GPR153: variants seen among roughly 807,000 people sequenced by gnomAD.
GPR153 encodes the protein G protein-coupled receptor 153.
In GPR153, 27 loss-of-function variants were observed where a neutral mutation model predicts 34.1. The observed-to-expected ratio is 0.79, with a 90% confidence interval of 0.58 to 1.09. The LOEUF (loss-of-function observed/expected upper bound fraction) is 1.09. GPR153 is among the 50% of genes least tolerant of loss of function. GPR153 has a pLI of 0.00. For synonymous variants in GPR153, 408 were observed against 405.4 expected, an observed-to-expected ratio of 1.01 and a Z score of -0.08; for missense variants, 848 against 860.2, an observed-to-expected ratio of 0.99 and a Z score of 0.18.
Position 6,251,381 on chromosome 1 carries a change from C to T in GPR153, c.936G>A (p.Glu312=). 6.2e-7 allele frequency: 1 copy of T among 1,613,294 alleles called. No individual in the cohort carries two copies. The highest frequency in any genetic ancestry group is 8.5e-7 in the Non-Finnish European group (1 of 1,179,702). ...CGTTGGCCATGAGGGCCATGCACTTCTCCCGGACAGCTTTGAGGTCAGCCC... is the reference window on the plus strand; with the variant it reads ...CGTTGGCCATGAGGGCCATGCACTTTTCCCGGACAGCTTTGAGGTCAGCCC... ...RYRADLKAVR[E]KCMALMANDE... Residue 312 remains glutamate (E), a synonymous_variant, in exon 4 of 6, where the codon GAG becomes GAA. Transcript: ENST00000377893. This position sits in a 1 kb window ranked among gnomAD's most constrained non-coding sequence, Gnocchi z 4.9.
intron 3 of GPR153, 115 bp downstream of exon 3, chr1:6,253,603 G>T: frequency 1.0e-6 from 1 of 960,242 alleles, no homozygotes; most frequent in Non-Finnish European, 1.5e-6. Flanking sequence ...TGGGGACGAT[G>T]ATCAAGCCCA....
intron 1 of GPR153, among the ~76,000 whole-genome samples, chr1:6,257,336 T>C (rs958761741): frequency 1.4e-4 from 21 of 152,182 alleles, no homozygotes; most frequent in African/African-American, 4.6e-4. Context: ...AAGTGACCTG[T>C]TGGGGAACGG....
chr1:6,252,478 C>G lies in GPR153; in HGVS notation c.787-948G>C, dbSNP rs554374270. 5.3e-5 allele frequency among the ~76,000 whole-genome samples: 8 copies of G among 152,320 alleles called. 1 individual carries two copies. The highest frequency in any genetic ancestry group is 1.9e-4 in the African/African-American group (8 of 41,566). Reference sequence around the variant, plus strand: ...TCTGCTGTTTCATGAAGCCCCTGCCCTCCATCTGCACAGGGACCGGGCTGC... The same window carrying G: ...TCTGCTGTTTCATGAAGCCCCTGCCGTCCATCTGCACAGGGACCGGGCTGC... On this transcript the variant is annotated intron_variant, in intron 3 of 5. Coordinates refer to ENST00000377893, the MANE Select transcript of GPR153 (RefSeq NM_207370.4).
chr1:6,254,588 G>A lies in GPR153; in HGVS notation c.318C>T (p.Tyr106=). 6.3e-7 allele frequency: 1 copy of A among 1,599,012 alleles called. No homozygotes were observed. Residue 106 remains tyrosine, a synonymous_variant, in exon 2 of 6, where the codon TAC becomes TAT. Transcript: ENST00000377893. ...GCCAGCAGACCATCCACATGCGGTGGTAGGAGAGGGAGGTGACAGAGAAAC... is the reference window on the plus strand; with the variant it reads ...GCCAGCAGACCATCCACATGCGGTGATAGGAGAGGGAGGTGACAGAGAAAC... ...ATCFSVTSLS[Y]HRMWMVCWPV... is the part of the protein sequence containing the mutation.
At chr1:6,260,226 C>T (rs548831949) in intron 1 of GPR153, among the ~76,000 whole-genome samples, 55 of 152,166 alleles carry the variant, frequency 3.6e-4, no homozygotes, top group African/African-American at 1.3e-3. Context: ...TCCGCCCCCA[C>T]GCCGGTCTCC....
chr1:6,255,553 T>C (rs917093283), intron 1 of GPR153, among the ~76,000 whole-genome samples: 4 of 149,240 alleles, frequency 2.7e-5, no homozygotes, highest in Non-Finnish European at 5.9e-5. Flanking sequence ...TAGCTCACTG[T>C]GGCATGGAAC....
chr1:6,250,943 T>C (rs557310498), intron 4 of GPR153, among the ~76,000 whole-genome samples: 1 of 152,296 alleles, frequency 6.6e-6, no homozygotes, highest in South Asian at 2.1e-4. Flanking sequence ...GAGCACGGGC[T>C]GGGCTGAGGG....
intron 1 of GPR153, among the ~76,000 whole-genome samples, chr1:6,260,474 C>T (rs1638651832): frequency 6.6e-6 from 1 of 151,480 alleles, no homozygotes; most frequent in South Asian, 2.1e-4. Context: ...AGGGCGCGTC[C>T]GAGCGACAGG....
In GPR153 at chr1:6,251,769, T is replaced by G. The variant is rs1370495052; in HGVS notation, c.787-239A>C. Among the ~76,000 whole-genome samples, 1 of 152,136 alleles carries G rather than the reference T, an allele frequency of 6.6e-6. No homozygotes were observed. The highest frequency in any genetic ancestry group is 1.5e-5 in the Non-Finnish European group (1 of 68,008). On this transcript the variant is annotated intron_variant, in intron 3 of 5. Transcript: ENST00000377893. The surrounding 1 kb of genome is among the most constrained non-coding windows in gnomAD (Gnocchi z 4.9). ...GCTCTGTCTTCCTCCTGGCTGCCCA[T>G]GGAGAGAAGTGGGGCATGGATTACC...
In GPR153 at chr1:6,253,813, C is replaced by T. The variant is rs749841451; in HGVS notation, c.691G>A (p.Asp231Asn). Residue 231 changes from aspartate to asparagine, a missense_variant, in exon 3 of 6, where the codon GAT becomes AAT. Physicochemically the swap from Asp to Asn is conservative, Grantham distance 23. Transcript: ENST00000377893. ...DAQGKRRSSI[D>N]GSEPAKTSLQ... is the part of the protein sequence containing the mutation. Reference sequence around the variant, plus strand: ...GAGGTTTTGGCGGGCTCCGAGCCATCGATGGAGGAGCGCCGCTTGCCCTGC... The same window carrying T: ...GAGGTTTTGGCGGGCTCCGAGCCATTGATGGAGGAGCGCCGCTTGCCCTGC... 6.3e-6 allele frequency: 10 copies of T among 1,585,968 alleles called. No homozygotes were observed. The highest frequency in any genetic ancestry group is 7.7e-6 in the Non-Finnish European group (9 of 1,163,154).
rs1418238792 is a variant in GPR153 at position 6,254,822 on chromosome 1, G to T, written c.84C>A (p.Gly28=). ...TCTGCTTGGCGCCAACGCTGAGGAT[G>T]CCCCAGGCATTGGCCAGCAGGGAGA... is the stretch of plus-strand genomic sequence containing the variant. ...GGLSLLANAW[G]ILSVGAKQKK... The change falls in exon 2 of 6, where the codon GGC becomes GGA. Residue 28 remains glycine, a synonymous_variant. Transcript: ENST00000377893. 1.2e-6 allele frequency: 2 copies of T among 1,612,446 alleles called. No individual in the cohort carries two copies. The highest frequency in any genetic ancestry group is 1.7e-6 in the Non-Finnish European group (2 of 1,179,596).
At position 6,251,682 on chromosome 1, in the gene GPR153, T is replaced by G; in HGVS notation, c.787-152A>C. ...CCTTGGGGAGAAAAGAGCTGGAGCGTGGCAGTGGGAGGCCCCGCCTTCCGG... is the reference window on the plus strand; with the variant it reads ...CCTTGGGGAGAAAAGAGCTGGAGCGGGGCAGTGGGAGGCCCCGCCTTCCGG... On this transcript the variant is annotated intron_variant, in intron 3 of 5. Transcript: ENST00000377893. The surrounding 1 kb of genome is among the most constrained non-coding windows in gnomAD (Gnocchi z 4.9). 2.2e-6 allele frequency: 2 copies of G among 915,248 alleles called. No homozygotes were observed. Among genetic ancestry groups the G allele is most frequent in the Non-Finnish European group, 3.2e-6 (2 of 631,464 alleles). 56.7% of individuals were successfully genotyped at this position (915,248 alleles called of 1,614,324 possible). A position where few individuals can be genotyped will look rare whatever the true frequency, so the allele number is the denominator to read the frequency against.
At position 6,254,919 on chromosome 1, in the gene GPR153, G is replaced by C; in HGVS notation, c.-14C>G. On this transcript the variant is annotated 5_prime_UTR_variant, in exon 2 of 6. Coordinates refer to ENST00000377893, the MANE Select transcript of GPR153 (RefSeq NM_207370.4). Reference sequence around the variant, plus strand: ...CTCATCACTCATGGTGCAGACCGGAGCTGGCAGGCGGCTGTGGCATCCTCC... The same window carrying C: ...CTCATCACTCATGGTGCAGACCGGACCTGGCAGGCGGCTGTGGCATCCTCC... The C allele has an allele frequency of 6.6e-7, 1 of 1,516,038 alleles. No homozygotes were observed. Among genetic ancestry groups the C allele is most frequent in the Non-Finnish European group, 8.8e-7 (1 of 1,132,008 alleles). The allele number at this position is 1,516,038 out of a possible 1,614,324, so 93.9% of individuals were successfully genotyped here.
Position 6,249,129 on chromosome 1 carries a change from G to C in GPR153, c.*209C>G, listed in dbSNP as rs543093185. 2.6e-6 allele frequency: 1 copy of C among 390,478 alleles called. No homozygotes were observed. Among genetic ancestry groups the C allele is most frequent in the Non-Finnish European group, 4.5e-6 (1 of 224,394 alleles). The allele number at this position is 390,478 out of a possible 1,614,324, so 24.2% of individuals were successfully genotyped here. On this transcript the variant is annotated 3_prime_UTR_variant, in exon 6 of 6. Transcript: ENST00000377893. This position sits in a 1 kb window ranked among gnomAD's most constrained non-coding sequence, Gnocchi z 4.3. ...CGACCTCACTCGGCCCGGGACATGC[G>C]GTGCCCAGCGCAGTCGTCCGGGGCA...
chr1:6,250,907 C>T (rs980394803), intron 4 of GPR153, among the ~76,000 whole-genome samples: 20 of 152,156 alleles, frequency 1.3e-4, no homozygotes, highest in Admixed American at 4.6e-4. Flanking sequence ...AAATAACACA[C>T]GCAAGGGGCT....
Position 6,251,602 on chromosome 1 carries a change from T to G in GPR153, c.787-72A>C. The G allele has an allele frequency of 6.9e-7, 1 of 1,445,172 alleles. No individual in the cohort carries two copies. The highest frequency in any genetic ancestry group is 1.4e-5 in the South Asian group (1 of 73,440). 89.5% of individuals were successfully genotyped at this position (1,445,172 alleles called of 1,614,324 possible). A position where few individuals can be genotyped will look rare whatever the true frequency, so the allele number is the denominator to read the frequency against. On this transcript the variant is annotated intron_variant, in intron 3 of 5. Transcript: ENST00000377893. The surrounding 1 kb of genome is among the most constrained non-coding windows in gnomAD (Gnocchi z 4.9). ...CACACAAGCTCCCCCTGAGTCTCGG[T>G]CTCCCCATGTGTACGGCAGGTCTGA...
chr1:6,249,152 G>A lies in GPR153; in HGVS notation c.*186C>T, dbSNP rs1040967050. Reference sequence around the variant, plus strand: ...GCGGTGCCCAGCGCAGTCGTCCGGGGCAGCCGTCGCCCCTGGGACAAGGCC... The same window carrying A: ...GCGGTGCCCAGCGCAGTCGTCCGGGACAGCCGTCGCCCCTGGGACAAGGCC... On this transcript the variant is annotated 3_prime_UTR_variant, in exon 6 of 6. Transcript: ENST00000377893. The surrounding 1 kb of genome is among the most constrained non-coding windows in gnomAD (Gnocchi z 4.3). The A allele has an allele frequency of 2.6e-5, 11 of 425,206 alleles. No individual in the cohort carries two copies. The highest frequency in any genetic ancestry group is 4.3e-5 in the Non-Finnish European group (11 of 254,728). 26.3% of individuals were successfully genotyped at this position (425,206 alleles called of 1,614,324 possible).
chr1:6,249,346 C>A lies in GPR153; in HGVS notation c.1822G>T (p.Ala608Ser). Residue 608 changes from alanine (A) to serine (S), a missense_variant, in exon 6 of 6, where the codon GCG becomes TCG. Physicochemically the swap from Ala to Ser is moderately conservative, Grantham distance 99 (BLOSUM62 1). Coordinates refer to ENST00000377893, the MANE Select transcript of GPR153 (RefSeq NM_207370.4). The surrounding 1 kb of genome is among the most constrained non-coding windows in gnomAD (Gnocchi z 4.3). ...ATLHSDSLGS[A>S]S ...GGGAGGCGCCGGCGGTCCTAGGACG[C>A]GGAGCCCAGCGAGTCCGAGTGCAGC... 7.7e-7 allele frequency: 1 copy of A among 1,304,090 alleles called. No homozygotes were observed. The highest frequency in any genetic ancestry group is 9.7e-7 in the Non-Finnish European group (1 of 1,027,854). The allele number at this position is 1,304,090 out of a possible 1,614,324, so 80.8% of individuals were successfully genotyped here.
chr1:6,253,224 T>C (rs1277417531), intron 3 of GPR153, among the ~76,000 whole-genome samples: 1 of 152,004 alleles, frequency 6.6e-6, no homozygotes, highest in Non-Finnish European at 1.5e-5. Flanking sequence ...AAAACCTGTC[T>C]GTACTAAAAA....
Sources: allele counts gnomAD v4.1 joint callset (sites outside exome capture counted in the v4.1 genomes callset), GRCh38; gene constraint gnomAD v4.1.1; non-coding constraint Gnocchi (gnomAD v3.1); transcripts MANE v1.5; gene names NCBI Gene and HGNC (gene_info 2026-07-23, HGNC 2026-07-21).